CCT8: variants seen among roughly 807,000 people sequenced by gnomAD.
CCT8 encodes the protein T-complex protein 1 subunit theta.
A neutral mutation model predicts 65.7 loss-of-function variants in CCT8; 10 were observed. The observed-to-expected ratio is 0.15, with a 90% CI of 0.09 to 0.26. CCT8 has a LOEUF of 0.26. CCT8 is among the 10% of genes least tolerant of loss of function. CCT8 has a pLI of 1.00. For synonymous variants in CCT8, 199 were observed against 221.8 expected, an observed-to-expected ratio of 0.90 and a Z score of 0.92; for missense variants, 568 against 669.1, an observed-to-expected ratio of 0.85 and a Z score of 1.67.
chr21:29,066,596 A>T (rs1035453278), intron 6 of CCT8, 120 bp downstream of exon 6: 1 of 601,264 alleles, frequency 1.7e-6, no homozygotes, highest in African/African-American at 1.9e-5. Context: ...CTAAGTGTTC[A>T]AATCATGAAG....
chr21:29,067,150 A>ATTTTTG, intron 4 of CCT8, 79 bp from the exon 5 acceptor site: 1 of 931,958 alleles, frequency 1.1e-6, no homozygotes, highest in Non-Finnish European at 1.6e-6. Context: ...ATGGATGTTT[A>ATTTTTG]TTTTTGATAC....
At chr21:29,071,821 G>C in intron 1 of CCT8, 1 of 624,952 alleles carries the variant, frequency 1.6e-6, no homozygotes, top group East Asian at 2.8e-5. Context: ...CATTTGATCA[G>C]ATCCCCTCAT....
intron 3 of CCT8, 114 bp from the exon 4 acceptor site, chr21:29,067,819 G>T: frequency 1.5e-6 from 1 of 684,446 alleles, no homozygotes; most frequent in Non-Finnish European, 2.2e-6. Context: ...AACTCCATCT[G>T]ATCACACTGC....
intron 14 of CCT8, 72 bp downstream of exon 14, chr21:29,060,469 G>C: frequency 6.8e-7 from 1 of 1,481,054 alleles, no homozygotes; most frequent in South Asian, 1.2e-5. Context: ...CTATGTTCTA[G>C]TTCTGGGAAA....
chr21:29,070,053 T>C (rs1487149765), intron 2 of CCT8, among the ~76,000 whole-genome samples, 194 bp downstream of exon 2: 1 of 152,302 alleles, frequency 6.6e-6, no homozygotes, highest in African/African-American at 2.4e-5. Flanking sequence ...AAGTAATATA[T>C]TGACCCCCAT....
chr21:29,069,143 A>G (rs1289541533), intron 3 of CCT8, among the ~76,000 whole-genome samples: 2 of 152,220 alleles, frequency 1.3e-5, no homozygotes, highest in Admixed American at 6.5e-5. Context: ...GAGTCACCCT[A>G]TAGAATGAAG....
At chr21:29,066,202 G>A (rs775501869) in intron 6 of CCT8, among the ~76,000 whole-genome samples, 65 of 151,946 alleles carry the variant, frequency 4.3e-4, no homozygotes, top group Non-Finnish European at 6.2e-4. Context: ...ACTTAAATAG[G>A]TAGTAGTATT....
intron 1 of CCT8, chr21:29,071,803 G>A: frequency 1.7e-6 from 1 of 600,550 alleles, no homozygotes; most frequent in Non-Finnish European, 3.0e-6. Context: ...CATTCTGTGA[G>A]AAACTACCAT....
At chr21:29,066,649 A>AAAAAAAC (rs2146435547) in intron 6 of CCT8, 67 bp downstream of exon 6, 3 of 1,082,912 alleles carry the variant, frequency 2.8e-6, no homozygotes, top group Middle Eastern at 2.6e-4. Context: ...TTTTTTGCAC[A>AAAAAAAC]AAAAAACAAA....
Position 29,062,160 on chromosome 21 carries a change from C to A in CCT8, c.1180G>T (p.Asp394Tyr). ...LMDDIERAVDDGVNTFKVLTR... is the reference protein window; with the variant it reads ...LMDDIERAVDYGVNTFKVLTR... ...AGAACTTTGAAAGTATTAACACCAT[C>A]GTCTACTGCCCTTTCTATGTCATCC... The change falls in exon 11 of 15, where the codon GAT (aspartate) becomes TAT (tyrosine). Residue 394 changes from aspartate to tyrosine, a missense_variant. Coordinates refer to ENST00000286788, the MANE Select transcript of CCT8 (RefSeq NM_006585.4). The A allele has an allele frequency of 6.2e-7, 1 of 1,612,410 alleles. No homozygotes were observed.
intron 4 of CCT8, 29 bp downstream of exon 4, chr21:29,067,527 G>A: frequency 2.1e-6 from 3 of 1,426,720 alleles, no homozygotes; most frequent in Non-Finnish European, 2.7e-6. Context: ...CAAAAATTTA[G>A]TAGGAGTAAA....
rs1473131027 is a variant in CCT8 at position 29,060,585 on chromosome 21, T to C, written c.1525A>G (p.Lys509Glu). 6.2e-7 allele frequency: 1 copy of C among 1,613,814 alleles called. No homozygotes were observed. Among genetic ancestry groups the C allele is most frequent in the Non-Finnish European group, 8.5e-7 (1 of 1,179,854 alleles). Residue 509 changes from lysine to glutamate, a missense_variant, in exon 14 of 15, where the codon AAA becomes GAA. Coordinates refer to ENST00000286788, the MANE Select transcript of CCT8 (RefSeq NM_006585.4). ...DTYLGKYWAI[K>E]LATNAAVTVL... is the part of the protein sequence containing the mutation. ...GTGACTGCAGCATTAGTAGCGAGTT[T>C]GATAGCCCAATATTTTCCCAGGTAA...
intron 3 of CCT8, 29 bp downstream of exon 3, chr21:29,069,394 T>C (rs772914525): frequency 1.5e-6 from 2 of 1,363,624 alleles, no homozygotes; most frequent in South Asian, 2.6e-5. Context: ...CACCAAAATA[T>C]TTCTTGACTT....
At chr21:29,071,813 T>C (rs2085683172) in intron 1 of CCT8, 1 of 609,942 alleles carries the variant, frequency 1.6e-6, no homozygotes, top group Admixed American at 2.8e-5. Flanking sequence ...GAAACTACCA[T>C]TTGATCAGAT....
rs781511332 is a variant in CCT8, at chr21:29,063,413, C to G, written c.880G>C (p.Gly294Arg). 3 of 1,614,056 alleles carry G rather than the reference C, an allele frequency of 1.9e-6. No homozygotes were observed. The highest frequency in any genetic ancestry group is 2.5e-6 in the Non-Finnish European group (3 of 1,180,004). The change falls in exon 8 of 15, where the codon GGT (glycine) becomes CGT (arginine). Residue 294 changes from glycine (G) to arginine (R), a missense_variant. Coordinates refer to ENST00000286788, the MANE Select transcript of CCT8 (RefSeq NM_006585.4). ...AGAGCCATGTCTGCCACTTTGCCACCTGTTACTACGACATTTGCACCAGTA... is the reference window on the plus strand; with the variant it reads ...AGAGCCATGTCTGCCACTTTGCCACGTGTTACTACGACATTTGCACCAGTA... ...ADTGANVVVT[G>R]GKVADMALHY...
At position 29,072,041 on chromosome 21, in the gene CCT8, C is replaced by T. The variant is rs948630301; in HGVS notation, c.60+1490G>A. 3 of 691,562 alleles carry T rather than the reference C, an allele frequency of 4.3e-6. No homozygotes were observed. The African/African-American group carries it at 5.3e-5, about 12-fold the overall frequency. The allele number at this position is 691,562 out of a possible 1,614,324, so 42.8% of individuals were successfully genotyped here. On this transcript the variant is annotated intron_variant, in intron 1 of 14. Transcript: ENST00000286788. The stretch of plus-strand genomic sequence containing the variant: ...AAAAACAGGTCAAAATCATTCCTTC[C>T]TCAGGGTCTTTGTACTAGTTAGTCC...
chr21:29,065,847 C>T (rs1348035184), intron 6 of CCT8, among the ~76,000 whole-genome samples: 1 of 152,090 alleles, frequency 6.6e-6, no homozygotes, highest in African/African-American at 2.4e-5. Context: ...CTTTGGGAGG[C>T]CAAGGTGGGC....
chr21:29,073,331 CG>C (rs2085704677), intron 1 of CCT8, 199 bp downstream of exon 1: 2 of 1,416,890 alleles, frequency 1.4e-6, no homozygotes, highest in African/African-American at 2.9e-5. Context: ...GGCCTTCTCC[CG>C]GTCGCGGAAG....
chr21:29,069,620 G>C (rs986030163), intron 2 of CCT8, 118 bp from the exon 3 acceptor site: 2 of 566,628 alleles, frequency 3.5e-6, no homozygotes, highest in East Asian at 6.4e-5. Flanking sequence ...AAAGAGCTTT[G>C]CAAGAAAACA....
Sources: gnomAD v4.1 joint callset for allele counts (sites outside exome capture counted in the v4.1 genomes callset) on GRCh38, gnomAD v4.1.1 for gene constraint, MANE v1.5 for transcripts, NCBI Gene and HGNC (gene_info 2026-07-23, HGNC 2026-07-21) for gene names.